Variants in ZNF652 observed in about 807,000 individuals in gnomAD.
ZNF652 encodes the protein zinc finger protein 652.
Under a neutral mutation model 45.2 loss-of-function variants are expected in ZNF652, and 16 were observed. The ratio of observed to expected loss-of-function variants is 0.35; its 90% confidence interval spans 0.24 to 0.54. ZNF652 has a LOEUF of 0.54. ZNF652 is among the 20% of genes least tolerant of loss of function. ZNF652 has a pLI of 0.91. For synonymous variants in ZNF652, 250 were observed against 260.6 expected, an observed-to-expected ratio of 0.96 and a Z score of 0.39; for missense variants, 614 against 765.6, an observed-to-expected ratio of 0.80 and a Z score of 2.34.
chr17:49,353,072 T>C (rs1192725276), intron 1 of ZNF652, among the ~76,000 whole-genome samples: 4 of 152,192 alleles, frequency 2.6e-5, no homozygotes, highest in Non-Finnish European at 4.4e-5. Context: ...CAAATTGATA[T>C]TCACAGAACT....
intron 1 of ZNF652, among the ~76,000 whole-genome samples, chr17:49,334,533 C>A (rs968791481): frequency 3.3e-5 from 5 of 152,212 alleles, no homozygotes; most frequent in African/African-American, 1.2e-4. Context: ...AATCCCAGAA[C>A]TACGGGAGGC....
At chr17:49,337,729 TTTTTC>T (rs1429809150) in intron 1 of ZNF652, among the ~76,000 whole-genome samples, 1 of 152,184 alleles carries the variant, frequency 6.6e-6, no homozygotes, top group Middle Eastern at 3.2e-3. Flanking sequence ...CAGAAATTCC[TTTTTC>T]TTTTCTAATT....
intron 1 of ZNF652, among the ~76,000 whole-genome samples, chr17:49,360,060 AAAC>A: frequency 6.6e-6 from 1 of 152,206 alleles, no homozygotes; most frequent in East Asian, 1.9e-4. Flanking sequence ...GGTCAAGTCT[AAAC>A]AAATTATTTT....
In ZNF652 at chr17:49,349,582, T is replaced by TA. The variant is rs2070248571; in HGVS notation, c.-259+12326dup. Among the ~76,000 whole-genome samples, 7 of 152,274 alleles carry TA rather than the reference T, an allele frequency of 4.6e-5. No homozygotes were observed. In the South Asian group the frequency reaches 1.5e-3, roughly 32 times the overall value. ...TCTCCTTCAAGAATCACTAAATACT[T>TA]AAATTTTCTCAGAGCAAGACATGAA... On this transcript the variant is annotated intron_variant, in intron 1 of 5. Transcript: ENST00000430262.
intron 5 of ZNF652, among the ~76,000 whole-genome samples, chr17:49,304,208 T>C (rs1433506817): frequency 6.6e-6 from 1 of 152,024 alleles, no homozygotes; most frequent in Non-Finnish European, 1.5e-5. Context: ...CCCTCATTTG[T>C]AGTCTTCTAT....
In ZNF652 at chr17:49,319,327, A is replaced by AT. The variant is rs554017533; in HGVS notation, c.-258-1345dup. Reference sequence around the variant, plus strand: ...ACCCACCACAAAACTGTGGGGTTGAATTTTTTTTTTTTTAAGACAGTGTCG... The same window carrying AT: ...ACCCACCACAAAACTGTGGGGTTGAATTTTTTTTTTTTTTAAGACAGTGTCG... On this transcript the variant is annotated intron_variant, in intron 1 of 5. Coordinates refer to ENST00000430262, the MANE Select transcript of ZNF652 (RefSeq NM_001145365.3). 1.7e-3 allele frequency among the ~76,000 whole-genome samples: 255 copies of AT among 146,164 alleles called. 1 individual carries two copies. Among genetic ancestry groups the AT allele is most frequent in the African/African-American group, 4.0e-3 (159 of 40,146 alleles).
At chr17:49,314,164 CATT>C (rs907019704) in intron 2 of ZNF652, among the ~76,000 whole-genome samples, 1 of 151,524 alleles carries the variant, frequency 6.6e-6, no homozygotes, top group African/African-American at 2.4e-5. Context: ...TTTTTAAAAT[CATT>C]ATTATTTTTT....
chr17:49,305,537 G>C (rs2143734014), intron 5 of ZNF652, among the ~76,000 whole-genome samples: 1 of 150,454 alleles, frequency 6.6e-6, no homozygotes, highest in East Asian at 1.9e-4. Context: ...AACAGTATCT[G>C]GTAAAGTGCT....
At chr17:49,305,389 GTGAGC>G (rs1433149561) in intron 5 of ZNF652, among the ~76,000 whole-genome samples, 12 of 152,026 alleles carry the variant, frequency 7.9e-5, no homozygotes, top group African/African-American at 2.9e-4. Context: ...GGAGGTTGCA[GTGAGC>G]TGAGATCACA....
chr17:49,321,426 T>C (rs2069890964), intron 1 of ZNF652, among the ~76,000 whole-genome samples: 1 of 136,286 alleles, frequency 7.3e-6, no homozygotes, highest in East Asian at 2.1e-4. Context: ...ACCACGCTTT[T>C]TTTTTTTTTT....
Position 49,294,380 on chromosome 17 carries a change from G to A in ZNF652, c.*4033C>T, listed in dbSNP as rs990667840. Reference sequence around the variant, plus strand: ...TTAATGTAAATGGTAGACTATGAAAGTACAGGTAACTGATTTGCACAGTCT... The same window carrying A: ...TTAATGTAAATGGTAGACTATGAAAATACAGGTAACTGATTTGCACAGTCT... On this transcript the variant is annotated 3_prime_UTR_variant, in exon 6 of 6. Transcript: ENST00000430262. Among the ~76,000 whole-genome samples, 4 of 152,174 alleles carry A rather than the reference G, an allele frequency of 2.6e-5. No homozygotes were observed. The highest frequency in any genetic ancestry group is 9.7e-5 in the African/African-American group (4 of 41,446).
chr17:49,360,095 TGAAA>T (rs1251432305), intron 1 of ZNF652, among the ~76,000 whole-genome samples: 1 of 152,242 alleles, frequency 6.6e-6, no homozygotes, highest in African/African-American at 2.4e-5. Context: ...TAACTTTTTC[TGAAA>T]GACTCTCACA....
intron 1 of ZNF652, among the ~76,000 whole-genome samples, chr17:49,340,549 C>CAA (rs1040246588): frequency 0.024 from 1,204 of 49,240 alleles, 51 homozygotes; most frequent in African/African-American, 0.074. Flanking sequence ...GACTCTGTCT[C>CAA]AAAAAAAAAA....
intron 1 of ZNF652, among the ~76,000 whole-genome samples, chr17:49,340,187 G>T (rs902104111): frequency 1.9e-4 from 29 of 152,288 alleles, no homozygotes; most frequent in Admixed American, 1.7e-3. Context: ...GGCCGAGGCG[G>T]GCGGATTACT....
intron 1 of ZNF652, among the ~76,000 whole-genome samples, chr17:49,327,639 G>A (rs1171710842): frequency 6.7e-6 from 1 of 149,096 alleles, no homozygotes; most frequent in African/African-American, 2.5e-5. Context: ...AGCACTTTGG[G>A]AGGCTGAGGC....
intron 1 of ZNF652, among the ~76,000 whole-genome samples, chr17:49,336,770 G>A (rs2070087087): frequency 6.6e-6 from 1 of 151,706 alleles, no homozygotes. Context: ...GGGATTACAG[G>A]CGCATGCTAC....
At position 49,295,327 on chromosome 17, in the gene ZNF652, A is replaced by G. The variant is rs1303510474; in HGVS notation, c.*3086T>C. 5 of 151,812 alleles carry G rather than the reference A, an allele frequency of 3.3e-5. No individual in the cohort carries two copies. The highest frequency in any genetic ancestry group is 4.4e-5 in the Non-Finnish European group (3 of 67,956). The allele number at this position is 151,812 out of a possible 1,614,324, so 9.4% of individuals were successfully genotyped here. ...GTCTCAAGTCAAGGAAAGTATCCTT[A>G]ATCTAGGGGAAAAAAAGGAAGTTTC... On this transcript the variant is annotated 3_prime_UTR_variant, in exon 6 of 6. Coordinates refer to ENST00000430262, the MANE Select transcript of ZNF652 (RefSeq NM_001145365.3).
At position 49,292,849 on chromosome 17, in the gene ZNF652, G is replaced by A. The variant is rs188892081; in HGVS notation, c.*5564C>T. 1.3e-5 allele frequency among the ~76,000 whole-genome samples: 2 copies of A among 152,096 alleles called. No individual in the cohort carries two copies. Among genetic ancestry groups the A allele is most frequent in the East Asian group, 3.8e-4 (2 of 5,204 alleles). ...ACATGGAGGAACAAAACAGAAATAC[G>A]GTCAAAATTCTTGTCCAAGGTTTTA... On this transcript the variant is annotated 3_prime_UTR_variant, in exon 6 of 6. Coordinates refer to ENST00000430262, the MANE Select transcript of ZNF652 (RefSeq NM_001145365.3).
intron 1 of ZNF652, among the ~76,000 whole-genome samples, chr17:49,318,810 C>T (rs116354675): frequency 2.0e-5 from 3 of 152,044 alleles, no homozygotes; most frequent in African/African-American, 7.2e-5. Flanking sequence ...TTGTGGTCCC[C>T]GGAAATAAAA....
Sources: gnomAD v4.1 joint callset for allele counts (sites outside exome capture counted in the v4.1 genomes callset) on GRCh38, gnomAD v4.1.1 for gene constraint, MANE v1.5 for transcripts, NCBI Gene and HGNC (gene_info 2026-07-23, HGNC 2026-07-21) for gene names.